EYS: variants seen among roughly 807,000 people sequenced by gnomAD.
EYS encodes protein eyes shut homolog.
A neutral mutation model predicts 282.1 loss-of-function variants in EYS; 250 were observed. The ratio of observed to expected loss-of-function variants is 0.89; its 90% CI spans 0.80 to 0.98. The LOEUF (loss-of-function observed/expected upper bound fraction) is 0.98. Ranked by LOEUF, EYS falls within the 50% of genes least tolerant of loss-of-function variation. The pLI, the probability that EYS is intolerant of heterozygous loss-of-function variation, is 0.00. For missense variants in EYS, 4,016 were observed against 3,709.0 expected (o/e 1.08, Z -2.15); for synonymous variants, 1,355 against 1,282.9 (o/e 1.06, Z -1.20).
intron 26 of EYS, among the ~76,000 whole-genome samples, chr6:64,518,240 T>G (rs1449451739): frequency 6.6e-6 from 1 of 151,802 alleles, no homozygotes; most frequent in Admixed American, 6.6e-5. Flanking sequence ...CAATTGATTT[T>G]GGATGTAAAA....
At chr6:64,698,692 A>G (rs1250584185) in intron 22 of EYS, among the ~76,000 whole-genome samples, 1 of 152,186 alleles carries the variant, frequency 6.6e-6, no homozygotes, top group East Asian at 1.9e-4. Flanking sequence ...TTTTCAAAAG[A>G]TTATAAACAT....
intron 24 of EYS, among the ~76,000 whole-genome samples, chr6:64,596,200 C>A (rs568359440): frequency 2.0e-5 from 3 of 152,108 alleles, no homozygotes; most frequent in East Asian, 1.9e-4. Flanking sequence ...ATTCCTCCCC[C>A]CAGGCCACAT....
intron 33 of EYS, among the ~76,000 whole-genome samples, chr6:64,021,885 C>T (rs370133228): frequency 7.9e-5 from 12 of 152,256 alleles, no homozygotes; most frequent in African/African-American, 2.9e-4. Flanking sequence ...TTGCATTGTG[C>T]TTTTGTTACA....
At chr6:64,684,642 T>C (rs940680714) in intron 22 of EYS, among the ~76,000 whole-genome samples, 1 of 151,974 alleles carries the variant, frequency 6.6e-6, no homozygotes, top group Non-Finnish European at 1.5e-5. Context: ...CACACACATA[T>C]ACACTATAAC....
At chr6:65,195,821 C>G (rs79117850) in intron 12 of EYS, among the ~76,000 whole-genome samples, 1 of 152,044 alleles carries the variant, frequency 6.6e-6, no homozygotes, top group Non-Finnish European at 1.5e-5. Flanking sequence ...CTGCTTCATA[C>G]CAAACAGTAT....
At chr6:64,652,336 G>T (rs577598415) in intron 22 of EYS, among the ~76,000 whole-genome samples, 2 of 152,298 alleles carry the variant, frequency 1.3e-5, no homozygotes, top group South Asian at 4.1e-4. Flanking sequence ...CACAGAAAGG[G>T]CAGAAAGATT....
At chr6:65,580,870 T>A (rs1764841708) in intron 2 of EYS, among the ~76,000 whole-genome samples, 1 of 152,082 alleles carries the variant, frequency 6.6e-6, no homozygotes, top group Non-Finnish European at 1.5e-5. Flanking sequence ...AGGCCATTTT[T>A]TATCTCAAGG....
chr6:64,818,555 A>C (rs1764810025), intron 21 of EYS, among the ~76,000 whole-genome samples: 1 of 152,154 alleles, frequency 6.6e-6, no homozygotes, highest in African/African-American at 2.4e-5. Flanking sequence ...GGAAGCCGAC[A>C]GTGCAGCCTT....
At chr6:63,839,165 C>T (rs1463996327) in intron 36 of EYS, among the ~76,000 whole-genome samples, 2 of 152,136 alleles carry the variant, frequency 1.3e-5, no homozygotes, top group African/African-American at 4.8e-5. Flanking sequence ...CTTTTCTCTG[C>T]TATCTAACTT....
At chr6:63,872,232 C>CA (rs1487079236) in intron 35 of EYS, among the ~76,000 whole-genome samples, 1 of 152,092 alleles carries the variant, frequency 6.6e-6, no homozygotes, top group Non-Finnish European at 1.5e-5. Flanking sequence ...TCTTCTTTCC[C>CA]AGTCTTGGAC....
At position 64,539,694 on chromosome 6, in the gene EYS, T is replaced by C. The variant is rs77372954; in HGVS notation, c.5644+50529A>G. Among the ~76,000 whole-genome samples, 10 of 152,288 alleles carry C rather than the reference T, an allele frequency of 6.6e-5. No homozygotes were observed. The East Asian group carries it at 1.9e-3, about 29-fold the overall frequency. On this transcript the variant is annotated intron_variant, in intron 26 of 42. Coordinates refer to ENST00000503581, the MANE Select transcript of EYS (RefSeq NM_001142800.2). ...TGCCATGCAAGGGTATAGATATTTT[T>C]CTCCAGGGTGACCTCTAAGAAACCA...
In EYS at chr6:63,726,656, A is replaced by G. The variant is rs1189972538; in HGVS notation, c.8096T>C (p.Phe2699Ser). The change falls in exon 42 of 43, where the codon TTC becomes TCC. Residue 2699 changes from phenylalanine (F) to serine (S), a missense_variant. Physicochemically the swap from Phe to Ser is radical, Grantham distance 155. Transcript: ENST00000503581. The stretch of plus-strand genomic sequence containing the variant: ...CATCCAGGATAACTCATTGCTTCTG[A>G]AAGATGGATCACTTATGGATAAAGC... Reference protein sequence around the residue: ...EQALSISDPSFRSNELSWMSF... With the variant: ...EQALSISDPSSRSNELSWMSF... 6.4e-7 allele frequency: 1 copy of G among 1,551,318 alleles called. No homozygotes were observed. Among genetic ancestry groups the G allele is most frequent in the East Asian group, 2.4e-5 (1 of 40,884 alleles).
intron 13 of EYS, among the ~76,000 whole-genome samples, chr6:65,023,192 A>G (rs1772300445): frequency 6.6e-6 from 1 of 152,156 alleles, no homozygotes. Flanking sequence ...TATCTCAGTA[A>G]AGCTATTAAC....
intron 35 of EYS, among the ~76,000 whole-genome samples, chr6:63,878,417 G>A (rs959361009): frequency 5.3e-5 from 8 of 152,150 alleles, no homozygotes; most frequent in South Asian, 2.1e-4. Flanking sequence ...TAGGCTACTC[G>A]GGGGTCCGGG....
intron 22 of EYS, among the ~76,000 whole-genome samples, chr6:64,694,980 G>A (rs895993792): frequency 5.3e-5 from 8 of 152,084 alleles, no homozygotes; most frequent in African/African-American, 1.9e-4. Flanking sequence ...GCTAGTCTCT[G>A]GAGCCTGAGC....
intron 2 of EYS, among the ~76,000 whole-genome samples, chr6:65,567,651 C>G (rs572774323): frequency 1.9e-4 from 29 of 152,100 alleles, no homozygotes; most frequent in Non-Finnish European, 3.4e-4. Flanking sequence ...TTAATGAAAG[C>G]CTTACACTTG....
chr6:64,766,645 AAAAAATATATAT>A (rs1381465303), intron 22 of EYS, among the ~76,000 whole-genome samples: 1 of 37,090 alleles, frequency 2.7e-5, no homozygotes, highest in East Asian at 9.3e-4. Context: ...AAAAAAAAAA[AAAAAATATATAT>A]ATATATATAT....
At chr6:65,655,533 T>C (rs1355443283) in intron 1 of EYS, among the ~76,000 whole-genome samples, 3 of 151,780 alleles carry the variant, frequency 2.0e-5, no homozygotes, top group South Asian at 4.1e-4. Flanking sequence ...AGATAAACCA[T>C]ATCTAGCCAT....
chr6:65,415,996 C>T (rs1325842916), intron 5 of EYS, among the ~76,000 whole-genome samples: 1 of 151,550 alleles, frequency 6.6e-6, no homozygotes, highest in Non-Finnish European at 1.5e-5. Flanking sequence ...GGTTACAACG[C>T]GAGGAGAGAG....
Sources: gnomAD v4.1 joint callset for allele counts (sites outside exome capture counted in the v4.1 genomes callset) on GRCh38, gnomAD v4.1.1 for gene constraint, MANE v1.5 for transcripts, NCBI Gene and HGNC (gene_info 2026-07-23, HGNC 2026-07-21) for gene names.